Variants in CC2D2A observed in about 807,000 individuals in gnomAD.
CC2D2A encodes coiled-coil and C2 domain containing 2A.
CC2D2A carries 155 observed loss-of-function variants against 212.9 expected under a neutral mutation model. That is an observed-to-expected ratio of 0.73 (90% CI 0.64 to 0.83). The LOEUF is 0.83. Among genes scored for constraint, CC2D2A ranks in the 40% least tolerant of loss-of-function variants. The probability of loss-of-function intolerance (pLI) is 0.00; values close to 1 mark genes in which losing one functional copy is unlikely to be tolerated. For synonymous variants in CC2D2A, 667 were observed against 686.5 expected (o/e 0.97, Z 0.44); for missense variants, 1,856 against 1,956.2 (o/e 0.95, Z 0.97).
At chr4:15,575,528 C>G (rs1275557610) in intron 29 of CC2D2A, among the ~76,000 whole-genome samples, 1 of 152,150 alleles carries the variant, frequency 6.6e-6, no homozygotes, top group African/African-American at 2.4e-5. Flanking sequence ...TGTGCTTACT[C>G]TAGTCTATCC....
rs1713754718 is a variant in CC2D2A at position 15,470,731 on chromosome 4, A to AGC, written c.-19+674_-19+675insGC. On this transcript the variant is annotated intron_variant, in intron 1 of 36. Coordinates refer to ENST00000424120, the MANE Select transcript of CC2D2A (RefSeq NM_001378615.1). ...TATATATATATATATATATATATAT[A>AGC]TATCCTAGAGCTCACTTATAGAGTC... is the stretch of plus-strand genomic sequence containing the variant. Among the ~76,000 whole-genome samples the AGC allele has an allele frequency of 7.1e-5, 9 of 126,880 alleles. 1 individual carries two copies. In the Admixed American group the frequency reaches 8.1e-4, roughly 11 times the overall value. The allele number at this position is 126,880 out of a possible 152,430, so 83.2% of individuals were successfully genotyped here.
At chr4:15,526,086 T>A (rs1013802726) in intron 11 of CC2D2A, among the ~76,000 whole-genome samples, 1 of 152,204 alleles carries the variant, frequency 6.6e-6, no homozygotes, top group African/African-American at 2.4e-5. Flanking sequence ...GAATCCCCTC[T>A]TCTGGGCTGG....
intron 24 of CC2D2A, among the ~76,000 whole-genome samples, chr4:15,565,328 G>C (rs1362961916): frequency 6.6e-6 from 1 of 151,686 alleles, no homozygotes; most frequent in Non-Finnish European, 1.5e-5. Flanking sequence ...CATCGAGACA[G>C]CTCAGACATC....
At chr4:15,561,132 T>G (rs1719577007) in intron 23 of CC2D2A, among the ~76,000 whole-genome samples, 1 of 152,172 alleles carries the variant, frequency 6.6e-6, no homozygotes, top group African/African-American at 2.4e-5. Flanking sequence ...CAGGAAAGAT[T>G]TGATATTCAC....
rs570078140 is a variant in CC2D2A at position 15,502,900 on chromosome 4, T to A, written c.415T>A (p.Leu139Met). 5 of 1,610,330 alleles carry A rather than the reference T, an allele frequency of 3.1e-6. No homozygotes were observed. Among genetic ancestry groups the A allele is most frequent in the African/African-American group, 1.3e-5 (1 of 74,946 alleles). ...CTTACGAAGTCCCAGTAAGAAAGAA[T>A]TGGAGACTGAATTTGGCACAGAGGT... ...RRLRSPSKKE[L>M]ETEFGTEPGK... The change falls in exon 6 of 37, where the codon TTG becomes ATG. Residue 139 changes from leucine (L) to methionine (M), a missense_variant. Transcript: ENST00000424120.
intron 18 of CC2D2A, 145 bp from the exon 19 acceptor site, chr4:15,553,013 C>T (rs2109052767): frequency 1.6e-6 from 1 of 613,032 alleles, no homozygotes; most frequent in Non-Finnish European, 2.6e-6. Context: ...TGAAGAAATT[C>T]AGTGACACTG....
intron 33 of CC2D2A, among the ~76,000 whole-genome samples, chr4:15,590,184 T>C (rs1357222004): frequency 2.0e-5 from 3 of 152,138 alleles, no homozygotes; most frequent in Non-Finnish European, 2.9e-5. Flanking sequence ...TGCATGATTT[T>C]ATTGTGAAGG....
intron 23 of CC2D2A, 70 bp from the exon 24 acceptor site, chr4:15,563,285 G>C (rs1021475641): frequency 2.1e-6 from 3 of 1,451,944 alleles, no homozygotes; most frequent in Non-Finnish European, 2.8e-6. Flanking sequence ...GGCAGAGTTC[G>C]GGAAGTCGTC....
chr4:15,528,969 G>A (rs1003034716), intron 13 of CC2D2A, among the ~76,000 whole-genome samples: 11 of 152,334 alleles, frequency 7.2e-5, no homozygotes, highest in East Asian at 5.8e-4. Flanking sequence ...GCTTCTGAGA[G>A]CAGCTTGGCC....
chr4:15,558,239 T>C (rs930275468), intron 21 of CC2D2A, among the ~76,000 whole-genome samples: 1 of 152,104 alleles, frequency 6.6e-6, no homozygotes, highest in African/African-American at 2.4e-5. Flanking sequence ...CCATCAGGAA[T>C]TAGTACCAGG....
intron 11 of CC2D2A, among the ~76,000 whole-genome samples, chr4:15,522,280 G>C (rs1372084366): frequency 6.6e-6 from 1 of 152,172 alleles, no homozygotes; most frequent in Non-Finnish European, 1.5e-5. Flanking sequence ...ATTTCCTTGG[G>C]CCCTTAACAG....
intron 9 of CC2D2A, 137 bp from the exon 10 acceptor site, chr4:15,515,731 G>A (rs576254552): frequency 6.1e-6 from 5 of 825,454 alleles, no homozygotes; most frequent in Non-Finnish European, 9.2e-6. Context: ...CCTTGGTTCT[G>A]CTTTTAAAAA....
chr4:15,537,014 G>T lies in CC2D2A; in HGVS notation c.1702G>T (p.Ala568Ser). The T allele has an allele frequency of 6.2e-7, 1 of 1,613,602 alleles. No individual in the cohort carries two copies. ...GTTAGAAGAGCACACGGAGGAGTACGCACAGAAGATGGAAGAATACAGAAC... is the reference window on the plus strand; with the variant it reads ...GTTAGAAGAGCACACGGAGGAGTACTCACAGAAGATGGAAGAATACAGAAC... ...ELLEEHTEEY[A>S]QKMEEYRTSL... Residue 568 changes from alanine (A) to serine (S), a missense_variant, in exon 15 of 37, where the codon GCA (alanine) becomes TCA (serine). By Grantham distance (99) the Ala-to-Ser change is moderately conservative. Transcript: ENST00000424120.
At chr4:15,574,054 G>T in intron 28 of CC2D2A, 96 bp from the exon 29 acceptor site, 1 of 1,006,880 alleles carries the variant, frequency 9.9e-7, no homozygotes, top group Non-Finnish European at 1.4e-6. Context: ...GAGCAATTTT[G>T]GTTCAATTTA....
intron 6 of CC2D2A, among the ~76,000 whole-genome samples, chr4:15,507,239 G>A (rs958939083): frequency 1.3e-5 from 2 of 152,196 alleles, no homozygotes; most frequent in Non-Finnish European, 2.9e-5. Flanking sequence ...GTACAATTGA[G>A]TTGGTAGATA....
chr4:15,506,161 A>G (rs930102044), intron 6 of CC2D2A, among the ~76,000 whole-genome samples: 2 of 152,222 alleles, frequency 1.3e-5, no homozygotes, highest in African/African-American at 4.8e-5. Flanking sequence ...TTAAGATTAT[A>G]CAAATGTATT....
intron 4 of CC2D2A, among the ~76,000 whole-genome samples, chr4:15,484,785 T>C (rs776470867): frequency 1.1e-4 from 16 of 152,158 alleles, no homozygotes; most frequent in African/African-American, 3.4e-4. Context: ...AGAAATTGAA[T>C]GGACATGCAA....
In CC2D2A at chr4:15,503,634, A is replaced by G. The variant is rs1179444321; in HGVS notation, c.438+711A>G. Among the ~76,000 whole-genome samples, 5 of 152,084 alleles carry G rather than the reference A, an allele frequency of 3.3e-5. No individual in the cohort carries two copies. The East Asian group carries it at 7.7e-4, about 24-fold the overall frequency. Reference sequence around the variant, plus strand: ...AGCAGAAAAATGGAGTCAGATGCTAAGGTCCTTGAATGTCACATTCAGGAG... The same window carrying G: ...AGCAGAAAAATGGAGTCAGATGCTAGGGTCCTTGAATGTCACATTCAGGAG... On this transcript the variant is annotated intron_variant, in intron 6 of 36. Coordinates refer to ENST00000424120, the MANE Select transcript of CC2D2A (RefSeq NM_001378615.1).
chr4:15,511,885 A>G (rs951569123), intron 8 of CC2D2A, among the ~76,000 whole-genome samples: 1 of 152,206 alleles, frequency 6.6e-6, no homozygotes, highest in Non-Finnish European at 1.5e-5. Flanking sequence ...TAAAAGGAGA[A>G]TAAGCCATTT....
Sources: allele counts gnomAD v4.1 joint callset (sites outside exome capture counted in the v4.1 genomes callset), GRCh38; gene constraint gnomAD v4.1.1; transcripts MANE v1.5; gene names NCBI Gene and HGNC (gene_info 2026-07-23, HGNC 2026-07-21).